Variants in CXorf58 observed in about 807,000 individuals in gnomAD.
CXorf58 encodes uncharacterized protein CXorf58.
Under a neutral mutation model 26.0 loss-of-function variants are expected in CXorf58, and 24 were observed. The observed-to-expected ratio is 0.92, with a 90% CI of 0.67 to 1.30. The LOEUF is 1.30. Among genes scored for constraint, CXorf58 ranks in the 50% most tolerant of loss-of-function variants. The pLI is 0.00. For missense variants in CXorf58, 236 were observed against 263.9 expected, an observed-to-expected ratio of 0.89 and a Z score of 0.73; for synonymous variants, 87 against 86.1, an observed-to-expected ratio of 1.01 and a Z score of -0.06.
intron 3 of CXorf58, among the ~76,000 whole-genome samples, chrX:23,913,624 T>G (rs1246175712): frequency 8.9e-6 from 1 of 111,763 alleles, no homozygotes; most frequent in African/African-American, 3.2e-5. Flanking sequence ...CTGGGCACAG[T>G]GGCTCACACC....
chrX:23,929,742 G>A (rs1479202024), intron 6 of CXorf58, among the ~76,000 whole-genome samples: 1 of 112,526 alleles, frequency 8.9e-6, no homozygotes, highest in Non-Finnish European at 1.9e-5. Flanking sequence ...GCCTTATACT[G>A]TTAGAAGATG....
rs749264016 is a variant in CXorf58, at chrX:23,910,413, A to G, written c.111A>G (p.Leu37=). 4 of 1,094,297 alleles carry G rather than the reference A, an allele frequency of 3.7e-6. No homozygotes were observed. The highest frequency in any genetic ancestry group is 2.2e-5 in the Admixed American group (1 of 44,785). The allele number at this position is 1,094,297 out of a possible 1,213,427, so 90.2% of individuals were successfully genotyped here. Residue 37 remains leucine, a synonymous_variant, in exon 2 of 9, where the codon TTA becomes TTG. Transcript: ENST00000379211. ...CAAATGCACGAAATGCAAGATCATT[A>G]CTATCGTAAGTACCTGTGTTTTGCC... ...HFANARNARS[L]LSMLKDISAQ...
intron 5 of CXorf58, among the ~76,000 whole-genome samples, chrX:23,920,282 C>A (rs778475914): frequency 8.9e-6 from 1 of 112,762 alleles, no homozygotes; most frequent in Non-Finnish European, 1.9e-5. Context: ...ACTCCTTGGA[C>A]CCTTATACAT....
intron 8 of CXorf58, 85 bp from the exon 9 acceptor site, chrX:23,939,156 TGAG>T: frequency 1.7e-6 from 1 of 571,671 alleles, no homozygotes; most frequent in Non-Finnish European, 2.9e-6. Flanking sequence ...TATTTTGAGA[TGAG>T]GATAAATATA....
Position 23,927,240 on chromosome X carries a change from C to A in CXorf58, c.425C>A (p.Ala142Glu). The change falls in exon 6 of 9, where the codon GCA becomes GAA. Residue 142 changes from alanine (A) to glutamate (E), a missense_variant and splice_region_variant. Transcript: ENST00000379211. The part of the protein sequence containing the change: ...GKNVLMPSSK[A>E]VDDACKLMGE... ...GTCTATTTTCTATTCTTTTTACAGG[C>A]AGTGGATGATGCTTGCAAACTAATG... 1.8e-6 allele frequency: 2 copies of A among 1,142,816 alleles called. No individual in the cohort carries two copies. Among genetic ancestry groups the A allele is most frequent in the East Asian group, 3.2e-5 (1 of 31,097 alleles). 94.2% of individuals were successfully genotyped at this position (1,142,816 alleles called of 1,213,427 possible).
At chrX:23,909,835 A>G (rs1927525573) in intron 1 of CXorf58, among the ~76,000 whole-genome samples, 1 of 112,124 alleles carries the variant, frequency 8.9e-6, no homozygotes, top group African/African-American at 3.2e-5. Context: ...CCAAAGTCTC[A>G]CTGCTATTTG....
At chrX:23,910,482 T>C (rs1363143677) in intron 2 of CXorf58, 64 bp downstream of exon 2, 5 of 568,290 alleles carry the variant, frequency 8.8e-6, no homozygotes, top group Non-Finnish European at 1.2e-5. Context: ...ACAGTACTTA[T>C]TCAGATAACT....
intron 6 of CXorf58, among the ~76,000 whole-genome samples, chrX:23,932,343 G>A (rs1377188040): frequency 1.8e-5 from 2 of 111,930 alleles, no homozygotes; most frequent in Non-Finnish European, 3.8e-5. Flanking sequence ...TCCTCACCAA[G>A]TTCCTCTAGC....
intron 3 of CXorf58, among the ~76,000 whole-genome samples, chrX:23,913,227 C>G (rs1927629974): frequency 9.0e-6 from 1 of 110,928 alleles, no homozygotes; most frequent in Non-Finnish European, 1.9e-5. Context: ...GTTGCCCAGG[C>G]TGGAGTGCAG....
At chrX:23,926,856 A>G (rs191180815) in intron 5 of CXorf58, among the ~76,000 whole-genome samples, 37 of 111,472 alleles carry the variant, frequency 3.3e-4, no homozygotes, top group African/African-American at 1.1e-3. Flanking sequence ...GGTCTCTACT[A>G]AAAATACAAA....
chrX:23,920,786 G>T (rs1329888404), intron 5 of CXorf58, among the ~76,000 whole-genome samples: 2 of 107,746 alleles, frequency 1.9e-5, no homozygotes, highest in Non-Finnish European at 3.8e-5. Flanking sequence ...AGTTACTTGG[G>T]AGGCTGAGGC....
chrX:23,929,183 G>C (rs1039637209), intron 6 of CXorf58, among the ~76,000 whole-genome samples: 3 of 110,211 alleles, frequency 2.7e-5, no homozygotes, highest in Non-Finnish European at 3.8e-5. Context: ...GAGGTGGGCG[G>C]ATCACGAGGT....
chrX:23,928,383 A>T (rs762339941), intron 6 of CXorf58, among the ~76,000 whole-genome samples: 1 of 110,724 alleles, frequency 9.0e-6, no homozygotes, highest in African/African-American at 3.3e-5. Context: ...GGGTTTCACC[A>T]TATTGGCCAG....
intron 5 of CXorf58, among the ~76,000 whole-genome samples, chrX:23,916,669 C>G (rs1008810549): frequency 9.0e-6 from 1 of 110,636 alleles, no homozygotes; most frequent in Non-Finnish European, 1.9e-5. Flanking sequence ...GCGGGCAGAT[C>G]ACCTGAGGTC....
At chrX:23,933,308 CCTT>C (rs1928212065) in intron 6 of CXorf58, among the ~76,000 whole-genome samples, 1 of 110,813 alleles carries the variant, frequency 9.0e-6, no homozygotes, top group Non-Finnish European at 1.9e-5. Context: ...ACCCTAAAGG[CCTT>C]CTTGTTATTC....
chrX:23,936,793 C>T (rs1928305334), intron 7 of CXorf58, among the ~76,000 whole-genome samples: 1 of 111,689 alleles, frequency 9.0e-6, no homozygotes, highest in African/African-American at 3.3e-5. Context: ...CAAGGCTATA[C>T]ATTTGCCAGA....
upstream of CXorf58, chrX:23,907,966 C>A (rs113124913): frequency 3.2e-6 from 1 of 308,440 alleles, no homozygotes; most frequent in Non-Finnish European, 5.6e-6. Flanking sequence ...TCCGCCCCTG[C>A]GCCGGCGGTT....
At chrX:23,921,574 T>C (rs1028260989) in intron 5 of CXorf58, among the ~76,000 whole-genome samples, 1 of 112,240 alleles carries the variant, frequency 8.9e-6, no homozygotes, top group Non-Finnish European at 1.9e-5. Context: ...GGATTCATGG[T>C]TGATAGAAAA....
At chrX:23,930,166 C>T (rs1374862936) in intron 6 of CXorf58, among the ~76,000 whole-genome samples, 2 of 81,807 alleles carry the variant, frequency 2.4e-5, no homozygotes, top group Admixed American at 3.6e-4. Flanking sequence ...CACTGCACTC[C>T]AGCCTGGGTG....
Sources: allele counts gnomAD v4.1 joint callset (sites outside exome capture counted in the v4.1 genomes callset), GRCh38; gene constraint gnomAD v4.1.1; transcripts MANE v1.5; gene names NCBI Gene and HGNC (gene_info 2026-07-23, HGNC 2026-07-21).